KAT2B: variants seen among roughly 807,000 people sequenced by gnomAD.
KAT2B encodes the protein histone acetyltransferase KAT2B.
KAT2B carries 36 observed loss-of-function variants against 105.9 expected under a neutral mutation model. That is an observed-to-expected ratio of 0.34 (90% CI 0.26 to 0.45). KAT2B has a LOEUF of 0.45. KAT2B is among the 20% of genes least tolerant of loss of function. KAT2B has a pLI of 1.00. For missense variants in KAT2B, 820 were observed against 1,021.6 expected (o/e 0.80, Z 2.69); for synonymous variants, 397 against 377.9 (o/e 1.05, Z -0.59).
At chr3:20,134,687 G>A (rs924049562) in intron 11 of KAT2B, among the ~76,000 whole-genome samples, 1 of 152,096 alleles carries the variant, frequency 6.6e-6, no homozygotes, top group Non-Finnish European at 1.5e-5. Flanking sequence ...GATTATAGGC[G>A]TGAGCCACTA....
At chr3:20,129,611 G>A (rs531337720) in intron 11 of KAT2B, among the ~76,000 whole-genome samples, 2 of 152,170 alleles carry the variant, frequency 1.3e-5, no homozygotes, top group African/African-American at 2.4e-5. Context: ...CCTGACCTCA[G>A]GTGATCTGCC....
At chr3:20,040,825 C>G (rs1361127494) in intron 1 of KAT2B, 45 bp downstream of exon 1, 5 of 1,530,742 alleles carry the variant, frequency 3.3e-6, no homozygotes, top group African/African-American at 1.4e-5. Flanking sequence ...GCTAGGGGCC[C>G]AGCCCGCGGG....
intron 1 of KAT2B, among the ~76,000 whole-genome samples, chr3:20,041,799 C>CCCAGATT (rs1412255002): frequency 1.3e-5 from 2 of 152,206 alleles, no homozygotes; most frequent in East Asian, 3.8e-4. Flanking sequence ...GGGTCAAGTT[C>CCCAGATT]CCAGATTCCA....
intron 5 of KAT2B, among the ~76,000 whole-genome samples, chr3:20,106,554 T>A (rs545571811): frequency 5.8e-4 from 88 of 152,240 alleles, no homozygotes; most frequent in Non-Finnish European, 1.1e-3. Context: ...AAGATTAATC[T>A]TGGAAGTTAA....
intron 13 of KAT2B, among the ~76,000 whole-genome samples, chr3:20,145,021 T>C (rs1209789456): frequency 6.6e-6 from 1 of 152,156 alleles, no homozygotes; most frequent in East Asian, 1.9e-4. Flanking sequence ...GGTCTCGAGC[T>C]CCTCACCTCA....
chr3:20,088,004 C>T (rs1448196996), intron 2 of KAT2B, among the ~76,000 whole-genome samples: 2 of 151,982 alleles, frequency 1.3e-5, no homozygotes, highest in Non-Finnish European at 2.9e-5. Context: ...TGGTCTTGAA[C>T]TGGGCTCAAG....
chr3:20,061,019 A>G (rs768506289), intron 1 of KAT2B, among the ~76,000 whole-genome samples: 10 of 152,192 alleles, frequency 6.6e-5, no homozygotes, highest in Non-Finnish European at 1.3e-4. Flanking sequence ...AACTATTTTT[A>G]AGTGTCTAGT....
intron 1 of KAT2B, among the ~76,000 whole-genome samples, chr3:20,052,723 T>C (rs1467090177): frequency 6.6e-6 from 1 of 151,470 alleles, no homozygotes. Flanking sequence ...ATCCCAGCAC[T>C]TTAGGAGGCT....
At chr3:20,125,870 C>CTT in intron 9 of KAT2B, 35 bp from the exon 10 acceptor site, 1 of 1,538,686 alleles carries the variant, frequency 6.5e-7, no homozygotes, top group Non-Finnish European at 9.0e-7. Flanking sequence ...GAGAGAATAG[C>CTT]TCTGTGTAAT....
chr3:20,118,942 A>G (rs1479916479), intron 7 of KAT2B, among the ~76,000 whole-genome samples: 1 of 151,876 alleles, frequency 6.6e-6, no homozygotes, highest in Non-Finnish European at 1.5e-5. Context: ...ACATTGATAT[A>G]GTATAGTTAC....
At chr3:20,044,863 G>A (rs928798437) in intron 1 of KAT2B, among the ~76,000 whole-genome samples, 2 of 152,170 alleles carry the variant, frequency 1.3e-5, no homozygotes, top group Non-Finnish European at 2.9e-5. Flanking sequence ...TTGACTAAGC[G>A]AATGAACCAG....
rs1491542109 is a variant in KAT2B at position 20,062,200 on chromosome 3, T to TAAAAA, written c.304-10133_304-10132insAAAAA. Among the ~76,000 whole-genome samples, 3 of 48,596 alleles carry TAAAAA rather than the reference T, an allele frequency of 6.2e-5. 1 individual carries two copies. The East Asian group carries it at 1.4e-3, about 23-fold the overall frequency. 31.9% of individuals were successfully genotyped at this position (48,596 alleles called of 152,430 possible). A position where few individuals can be genotyped will look rare whatever the true frequency, so the allele number is the denominator to read the frequency against. ...ATATATAATATATAAAATATATATA[T>TAAAAA]TTTATATAAAATATATTATATATAA... On this transcript the variant is annotated intron_variant, in intron 1 of 17. Transcript: ENST00000263754.
At chr3:20,087,689 C>G (rs1461308539) in intron 2 of KAT2B, among the ~76,000 whole-genome samples, 1 of 152,184 alleles carries the variant, frequency 6.6e-6, no homozygotes, top group African/African-American at 2.4e-5. Flanking sequence ...TAATAACCAT[C>G]ATTTTACTTT....
intron 2 of KAT2B, 143 bp downstream of exon 2, chr3:20,072,602 G>T: frequency 1.3e-6 from 1 of 761,026 alleles, no homozygotes; most frequent in Admixed American, 2.3e-5. Context: ...CTAGTCTCAC[G>T]AGTTTGCTGG....
intron 3 of KAT2B, among the ~76,000 whole-genome samples, chr3:20,096,102 G>A (rs115003419): frequency 0.014 from 2,123 of 152,254 alleles, 47 homozygotes; most frequent in African/African-American, 0.049. Context: ...GGAGCCCAGC[G>A]AGCAGAGGGT....
At chr3:20,131,213 A>G (rs1326417629) in intron 11 of KAT2B, among the ~76,000 whole-genome samples, 1 of 151,816 alleles carries the variant, frequency 6.6e-6, no homozygotes, top group Non-Finnish European at 1.5e-5. Flanking sequence ...ATGGTGTTTC[A>G]TCACGTTGGC....
intron 1 of KAT2B, among the ~76,000 whole-genome samples, chr3:20,043,144 A>G (rs1014143690): frequency 6.6e-6 from 1 of 152,056 alleles, no homozygotes; most frequent in African/African-American, 2.4e-5. Context: ...AGCCCAAGCA[A>G]TTTGCCCGCC....
intron 17 of KAT2B, among the ~76,000 whole-genome samples, chr3:20,151,453 T>C (rs3804577): frequency 0.19 from 28,856 of 151,884 alleles, 3,113 homozygotes; most frequent in East Asian, 0.38. Context: ...GTTTTTTTTT[T>C]CCCATTTGAC....
At chr3:20,112,010 C>G (rs1348151032) in intron 6 of KAT2B, among the ~76,000 whole-genome samples, 1 of 152,178 alleles carries the variant, frequency 6.6e-6, no homozygotes, top group African/African-American at 2.4e-5. Flanking sequence ...CCCTTATCCC[C>G]TCCTCGTCCT....
Sources: allele counts gnomAD v4.1 joint callset (sites outside exome capture counted in the v4.1 genomes callset), GRCh38; gene constraint gnomAD v4.1.1; transcripts MANE v1.5; gene names NCBI Gene and HGNC (gene_info 2026-07-23, HGNC 2026-07-21).